The following HAPLN1 variants were observed in gnomAD, a reference collection of about 807,000 sequenced individuals.
HAPLN1 encodes hyaluronan and proteoglycan link protein 1, also known as Cartilage link protein.
HAPLN1 carries 13 observed loss-of-function variants against 36.5 expected under a neutral mutation model. That is an observed-to-expected ratio of 0.36 (90% CI 0.23 to 0.57). The LOEUF (loss-of-function observed/expected upper bound fraction) is 0.57. HAPLN1 is among the 20% of genes least tolerant of loss of function. The probability of loss-of-function intolerance (pLI) is 0.83; values close to 1 mark genes in which losing one functional copy is unlikely to be tolerated. For synonymous variants in HAPLN1, 202 were observed against 169.8 expected (o/e 1.19, Z -1.48); for missense variants, 407 against 439.7 (o/e 0.93, Z 0.66).
intron 1 of HAPLN1, among the ~76,000 whole-genome samples, chr5:83,704,594 G>A (rs1751585706): frequency 6.6e-6 from 1 of 152,124 alleles, no homozygotes; most frequent in Admixed American, 6.5e-5. Flanking sequence ...AAAAAAGCAG[G>A]AGCTGCAATC....
At chr5:83,690,446 G>A (rs1209385996) in intron 1 of HAPLN1, among the ~76,000 whole-genome samples, 1 of 151,956 alleles carries the variant, frequency 6.6e-6, no homozygotes, top group Non-Finnish European at 1.5e-5. Context: ...TTTGGTCACG[G>A]GAGAAACATC....
chr5:83,642,875 T>C (rs1055228243), intron 4 of HAPLN1, among the ~76,000 whole-genome samples: 19 of 152,208 alleles, frequency 1.2e-4, no homozygotes, highest in African/African-American at 4.3e-4. Context: ...CCTGTTTTTG[T>C]AAATGAAGTT....
chr5:83,719,852 A>G (rs1240894580), intron 1 of HAPLN1, among the ~76,000 whole-genome samples: 2 of 152,220 alleles, frequency 1.3e-5, no homozygotes, highest in East Asian at 1.9e-4. Flanking sequence ...CTTAAGAACT[A>G]TTAGCTTCCA....
intron 2 of HAPLN1, among the ~76,000 whole-genome samples, chr5:83,662,013 C>T (rs547986450): frequency 5.9e-5 from 9 of 152,256 alleles, no homozygotes; most frequent in African/African-American, 2.2e-4. Context: ...TTCTCAATTT[C>T]GGAAGTTAAC....
intron 1 of HAPLN1, among the ~76,000 whole-genome samples, chr5:83,708,904 A>C (rs1191368396): frequency 6.6e-6 from 1 of 151,892 alleles, no homozygotes; most frequent in Non-Finnish European, 1.5e-5. Context: ...TTTTTGAGAC[A>C]CAGTCTCTGT....
At position 83,714,817 on chromosome 5, in the gene HAPLN1, A is replaced by G. The variant is rs888706033; in HGVS notation, c.-27+5972T>C. ...GAAGCTATGGATGCGCTACCTGTCC[A>G]GGGGCCACAGTTGAAGCACTGTCAT... is the stretch of plus-strand genomic sequence containing the variant. On this transcript the variant is annotated intron_variant, in intron 1 of 4. Coordinates refer to ENST00000274341, the MANE Select transcript of HAPLN1 (RefSeq NM_001884.4). 4.6e-5 allele frequency among the ~76,000 whole-genome samples: 7 copies of G among 152,338 alleles called. No homozygotes were observed. In the South Asian group the frequency reaches 8.3e-4, roughly 18 times the overall value.
chr5:83,708,552 G>A (rs1009541947), intron 1 of HAPLN1, among the ~76,000 whole-genome samples: 6 of 152,036 alleles, frequency 3.9e-5, no homozygotes, highest in African/African-American at 1.5e-4. Flanking sequence ...TAGACAATGG[G>A]GTCTGTTGAG....
intron 2 of HAPLN1, among the ~76,000 whole-genome samples, chr5:83,662,040 T>A (rs1750414344): frequency 6.6e-6 from 1 of 152,146 alleles, no homozygotes. Flanking sequence ...TTAGCTGGGA[T>A]TATAGGCACC....
intron 2 of HAPLN1, among the ~76,000 whole-genome samples, chr5:83,668,405 T>C (rs1037199651): frequency 1.2e-4 from 19 of 152,208 alleles, no homozygotes; most frequent in African/African-American, 4.6e-4. Context: ...ATCAGCCAGG[T>C]AGCCTGGGAC....
At chr5:83,696,708 A>G (rs1024333626) in intron 1 of HAPLN1, among the ~76,000 whole-genome samples, 2 of 152,118 alleles carry the variant, frequency 1.3e-5, no homozygotes, top group Admixed American at 6.6e-5. Flanking sequence ...AATTTTAAAT[A>G]TATACATTTG....
chr5:83,717,823 A>G (rs982357047), intron 1 of HAPLN1, among the ~76,000 whole-genome samples: 2 of 152,156 alleles, frequency 1.3e-5, no homozygotes, highest in Non-Finnish European at 2.9e-5. Flanking sequence ...TTTACATGCT[A>G]ATTATTAGTG....
At chr5:83,649,448 T>G (rs1287752258) in intron 3 of HAPLN1, among the ~76,000 whole-genome samples, 1 of 151,754 alleles carries the variant, frequency 6.6e-6, no homozygotes, top group African/African-American at 2.4e-5. Context: ...TTTTTTTTTG[T>G]TTGTTTGTTT....
intron 3 of HAPLN1, among the ~76,000 whole-genome samples, chr5:83,647,822 T>C (rs1468314376): frequency 6.6e-6 from 1 of 152,114 alleles, no homozygotes; most frequent in Admixed American, 6.5e-5. Flanking sequence ...ATATTTCTAG[T>C]CATAAAAAGG....
At position 83,638,962 on chromosome 5, in the gene HAPLN1, G is replaced by A. The variant is rs1749602248; in HGVS notation, c.*2534C>T. The A allele has an allele frequency of 6.6e-6, 1 of 152,012 alleles. No homozygotes were observed. The highest frequency in any genetic ancestry group is 2.1e-4 in the South Asian group (1 of 4,832). 9.4% of individuals were successfully genotyped at this position (152,012 alleles called of 1,614,324 possible). ...ATTATGGACAAATACATTAAAACAA[G>A]GGTTCCTGGCCCAGCCTCCCATCTA... On this transcript the variant is annotated 3_prime_UTR_variant, in exon 5 of 5. Transcript: ENST00000274341.
chr5:83,645,932 C>T (rs1749861561), intron 3 of HAPLN1, among the ~76,000 whole-genome samples: 1 of 152,142 alleles, frequency 6.6e-6, no homozygotes, highest in African/African-American at 2.4e-5. Context: ...ACAGAATAGA[C>T]ATCCATTGAT....
At chr5:83,700,251 A>G (rs1336017314) in intron 1 of HAPLN1, among the ~76,000 whole-genome samples, 1 of 151,830 alleles carries the variant, frequency 6.6e-6, no homozygotes, top group Non-Finnish European at 1.5e-5. Context: ...AATTACATGT[A>G]TCTACTCTGA....
In HAPLN1 at chr5:83,644,446, G is replaced by A; in HGVS notation, c.692C>T (p.Thr231Ile). The change falls in exon 4 of 5, where the codon ACA becomes ATA. Residue 231 changes from threonine to isoleucine, a missense_variant. Transcript: ENST00000274341. Reference sequence around the variant, plus strand: ...TCCGTAGTTCCTGACTCCGGGCACTGTGTTCTGCCCCCCACAGGGCTCTCT... The same window carrying A: ...TCCGTAGTTCCTGACTCCGGGCACTATGTTCTGCCCCCCACAGGGCTCTCT... The part of the protein sequence containing the change: ...KPREPCGGQN[T>I]VPGVRNYGFW... 6.2e-7 allele frequency: 1 copy of A among 1,612,424 alleles called. No homozygotes were observed. Among genetic ancestry groups the A allele is most frequent in the South Asian group, 1.1e-5 (1 of 90,778 alleles).
At chr5:83,645,104 A>C (rs780710294) in intron 3 of HAPLN1, among the ~76,000 whole-genome samples, 22 of 149,858 alleles carry the variant, frequency 1.5e-4, no homozygotes, top group Non-Finnish European at 3.0e-4. Context: ...TCATTGTTGA[A>C]TACTAAGAGC....
intron 1 of HAPLN1, among the ~76,000 whole-genome samples, chr5:83,698,354 T>C (rs1751439297): frequency 6.6e-6 from 1 of 152,154 alleles, no homozygotes; most frequent in Admixed American, 6.5e-5. Context: ...CTTTCCTCAC[T>C]GAATTTTCTT....
Sources: gnomAD v4.1 joint callset for allele counts (sites outside exome capture counted in the v4.1 genomes callset) on GRCh38, gnomAD v4.1.1 for gene constraint, MANE v1.5 for transcripts, NCBI Gene and HGNC (gene_info 2026-07-23, HGNC 2026-07-21) for gene names.